PIGO: variants seen among roughly 807,000 people sequenced by gnomAD.
PIGO encodes phosphatidylinositol glycan anchor biosynthesis class O.
PIGO carries 66 observed loss-of-function variants against 86.9 expected under a neutral mutation model. The observed-to-expected ratio is 0.76, with a 90% CI of 0.62 to 0.93. PIGO has a LOEUF of 0.93. PIGO is among the 40% of genes least tolerant of loss of function. PIGO has a pLI of 0.00. For synonymous variants in PIGO, 570 were observed against 556.4 expected (o/e 1.02, Z -0.34); for missense variants, 1,202 against 1,359.1 (o/e 0.88, Z 1.82).
intron 1 of PIGO, 134 bp from the exon 2 acceptor site, chr9:35,095,700 C>A (rs1829641222): frequency 8.6e-7 from 1 of 1,157,908 alleles, no homozygotes; most frequent in African/African-American, 1.6e-5. Context: ...TCACAGCCAA[C>A]CCCTCGCAAT....
Position 35,091,882 on chromosome 9 carries a change from A to G in PIGO, c.2005T>C (p.Trp669Arg), listed in dbSNP as rs1474138703. The G allele has an allele frequency of 6.2e-7, 1 of 1,614,148 alleles. No homozygotes were observed. Among genetic ancestry groups the G allele is most frequent in the Admixed American group, 1.7e-5 (1 of 60,026 alleles). Residue 669 changes from tryptophan to arginine, a missense_variant, in exon 7 of 11, where the codon TGG becomes CGG. Coordinates refer to ENST00000378617, the MANE Select transcript of PIGO (RefSeq NM_032634.4). ...AGCGCCGCCACACAAGCTCCATACC[A>G]CAAATTCTTGGCTCGACCACCCACC... ...SMVGGRAKNL[W>R]YGACVAALVA...
rs1314186846 is a variant in PIGO at position 35,090,462 on chromosome 9, G to C, written c.2854+4C>G. 10 of 1,606,838 alleles carry C rather than the reference G, an allele frequency of 6.2e-6. No individual in the cohort carries two copies. Among genetic ancestry groups the C allele is most frequent in the Non-Finnish European group, 7.7e-6 (9 of 1,174,660 alleles). ...ATGGAAGCAAGTGAAGGAGGAGGGG[G>C]TACCTGCAAAGAGGAGGTGGGAGGC... On this transcript the variant is annotated splice_donor_region_variant and intron_variant, in intron 8 of 10. Transcript: ENST00000378617.
At position 35,092,257 on chromosome 9, in the gene PIGO, G is replaced by A; in HGVS notation, c.1630C>T (p.Pro544Ser). 1 of 1,614,208 alleles carries A rather than the reference G, an allele frequency of 6.2e-7. No homozygotes were observed. Among genetic ancestry groups the A allele is most frequent in the Non-Finnish European group, 8.5e-7 (1 of 1,180,044 alleles). The change falls in exon 7 of 11, where the codon CCC becomes TCC. Residue 544 changes from proline (P) to serine (S), a missense_variant. Coordinates refer to ENST00000378617, the MANE Select transcript of PIGO (RefSeq NM_032634.4). ...AGTAACAGGACGGGCCCAGGGATGG[G>A]AAACAGGGTTGCCAGGGGCCTCTTG... ...GSKRPLATLF[P>S]IPGPVLLLLL... is the part of the protein sequence containing the mutation.
chr9:35,088,988 A>C lies in PIGO; in HGVS notation c.*104T>G. The C allele has an allele frequency of 6.7e-7, 1 of 1,489,522 alleles. No homozygotes were observed. Among genetic ancestry groups the C allele is most frequent in the South Asian group, 1.3e-5 (1 of 79,930 alleles). The allele number at this position is 1,489,522 out of a possible 1,614,324, so 92.3% of individuals were successfully genotyped here. ...CGGCCCCTGGCTGCATGATAGTAAGAGTATGGCTGAGCCTGTCTTGCAGAT... is the reference window on the plus strand; with the variant it reads ...CGGCCCCTGGCTGCATGATAGTAAGCGTATGGCTGAGCCTGTCTTGCAGAT... On this transcript the variant is annotated 3_prime_UTR_variant, in exon 11 of 11. Transcript: ENST00000378617.
Position 35,091,381 on chromosome 9 carries a change from T to C in PIGO, c.2506A>G (p.Met836Val), listed in dbSNP as rs752108320. 2.8e-5 allele frequency: 45 copies of C among 1,614,160 alleles called. No individual in the cohort carries two copies. Among genetic ancestry groups the C allele is most frequent in the Admixed American group, 3.3e-5 (2 of 60,018 alleles). ...YQLGSVYSAA[M>V]VTALTLLAFP... ...GCCAACAGGGTGAGGGCTGTGACCATAGCAGCTGAGTAGACACTCCCCAAC... is the reference window on the plus strand; with the variant it reads ...GCCAACAGGGTGAGGGCTGTGACCACAGCAGCTGAGTAGACACTCCCCAAC... Residue 836 changes from methionine (M) to valine (V), a missense_variant, in exon 7 of 11, where the codon ATG becomes GTG. Physicochemically the swap from Met to Val is conservative, Grantham distance 21. Coordinates refer to ENST00000378617, the MANE Select transcript of PIGO (RefSeq NM_032634.4).
intron 9 of PIGO, 95 bp from the exon 10 acceptor site, chr9:35,089,545 C>G (rs1180806005): frequency 1.3e-6 from 2 of 1,580,568 alleles, no homozygotes; most frequent in East Asian, 4.5e-5. Flanking sequence ...AAAATGGAAG[C>G]AGGAGAATAG....
chr9:35,094,254 G>A lies in PIGO; in HGVS notation c.617C>T (p.Thr206Ile), dbSNP rs750723712. Residue 206 changes from threonine to isoleucine, a missense_variant, in exon 3 of 11, where the codon ACA becomes ATA. Transcript: ENST00000378617. ...GTGTTCCAGGATGCCATTGTCCACT[G>A]TGTCTAGGTCTCTGACATTGAAGGA... is the stretch of plus-strand genomic sequence containing the variant. ...FPSFNVRDLD[T>I]VDNGILEHLY... The A allele has an allele frequency of 5.0e-6, 8 of 1,604,382 alleles. No individual in the cohort carries two copies. The African/African-American group carries it at 9.4e-5, about 19-fold the overall frequency.
intron 7 of PIGO, 150 bp downstream of exon 7, chr9:35,091,086 AAGAG>A: frequency 3.6e-6 from 3 of 840,338 alleles, no homozygotes; most frequent in Non-Finnish European, 1.8e-6. Flanking sequence ...TATGGCAGGT[AAGAG>A]AGAGGACACC....
chr9:35,092,050 G>A lies in PIGO; in HGVS notation c.1837C>T (p.Pro613Ser), dbSNP rs1317472404. The A allele has an allele frequency of 6.2e-7, 1 of 1,614,108 alleles. No homozygotes were observed. The highest frequency in any genetic ancestry group is 8.5e-7 in the Non-Finnish European group (1 of 1,180,058). The change falls in exon 7 of 11, where the codon CCC becomes TCC. Residue 613 changes from proline (P) to serine (S), a missense_variant. Coordinates refer to ENST00000378617, the MANE Select transcript of PIGO (RefSeq NM_032634.4). Reference protein sequence around the residue: ...PRLGTSATTNPPRHNGAYALR... With the variant: ...PRLGTSATTNSPRHNGAYALR... ...GCATATGCACCATTGTGCCGTGGGGGGTTTGTTGTGGCTGAAGTGCCAAGG... is the reference window on the plus strand; with the variant it reads ...GCATATGCACCATTGTGCCGTGGGGAGTTTGTTGTGGCTGAAGTGCCAAGG...
rs937595770 is a variant in PIGO at position 35,095,366 on chromosome 9, A to T, written c.200T>A (p.Phe67Tyr). 1 of 1,614,134 alleles carries T rather than the reference A, an allele frequency of 6.2e-7. No individual in the cohort carries two copies. The highest frequency in any genetic ancestry group is 1.3e-5 in the African/African-American group (1 of 75,032). Residue 67 changes from phenylalanine (F) to tyrosine (Y), a missense_variant, in exon 2 of 11, where the codon TTT (phenylalanine) becomes TAT (tyrosine). Coordinates refer to ENST00000378617, the MANE Select transcript of PIGO (RefSeq NM_032634.4). ...KPGACWMASR[F>Y]SRVVLVLIDA... ...TATCAGCACCAACACAACCCGCGAAAATCGGGAAGCCATCCAGCAGGCCCC... is the reference window on the plus strand; with the variant it reads ...TATCAGCACCAACACAACCCGCGAATATCGGGAAGCCATCCAGCAGGCCCC...
intron 10 of PIGO, 69 bp from the exon 11 acceptor site, chr9:35,089,290 C>A (rs933638355): frequency 2.4e-5 from 39 of 1,613,192 alleles, no homozygotes; most frequent in Non-Finnish European, 3.1e-5. Context: ...AGAGGCAAAA[C>A]CTTGGCCATC....
rs1829511753 is a variant in PIGO, at chr9:35,093,138, A to G, written c.1011T>C (p.Phe337=). Residue 337 remains phenylalanine (F), a synonymous_variant, in exon 6 of 11, where the codon TTT becomes TTC. Coordinates refer to ENST00000378617, the MANE Select transcript of PIGO (RefSeq NM_032634.4). ...CAGCCATCACTTCCCCGATATTCCC[A>G]AATGGGATGGGCAGGCCCAGCAGCA... ...LALLLGLPIP[F]GNIGEVMAEL... 1 of 1,614,228 alleles carries G rather than the reference A, an allele frequency of 6.2e-7. No homozygotes were observed. Among genetic ancestry groups the G allele is most frequent in the South Asian group, 1.1e-5 (1 of 91,088 alleles).
Position 35,094,353 on chromosome 9 carries a change from C to CGTA in PIGO, c.517_518insTAC (p.Arg172_Arg173insLeu). ...GGTATCATCTCCCATGAAGACTACACGCCTTCCTGCAGGGACATGAAAGAG... is the reference window on the plus strand; with the variant it reads ...GGTATCATCTCCCATGAAGACTACACGTAGCCTTCCTGCAGGGACATGAAAGAG... On this transcript the variant is annotated inframe_insertion, in exon 3 of 11. Transcript: ENST00000378617. 1 of 1,601,430 alleles carries CGTA rather than the reference C, an allele frequency of 6.2e-7. No homozygotes were observed. The highest frequency in any genetic ancestry group is 1.1e-5 in the South Asian group (1 of 89,128).
intron 1 of PIGO, 71 bp from the exon 2 acceptor site, chr9:35,095,637 C>G (rs1460775332): frequency 7.1e-7 from 1 of 1,415,260 alleles, no homozygotes; most frequent in African/African-American, 1.4e-5. Flanking sequence ...TCCCTGAATA[C>G]AAGCCCAGCT....
In PIGO at chr9:35,091,253, G is replaced by A. The variant is rs534875041; in HGVS notation, c.2634C>T (p.Pro878=). ...LLLHLLAAGI[P]VTTPGPFTVP... ...TGAGATATTTACCAGGGGTGGTGAC[G>A]GGTATCCCAGCAGCAAGCAGATGTA... Residue 878 remains proline, a synonymous_variant, in exon 7 of 11, where the codon CCC becomes CCT. Coordinates refer to ENST00000378617, the MANE Select transcript of PIGO (RefSeq NM_032634.4). 62 of 1,596,122 alleles carry A rather than the reference G, an allele frequency of 3.9e-5. No homozygotes were observed. In the South Asian group the frequency reaches 4.3e-4, roughly 11 times the overall value.
At chr9:35,089,915 G>A in intron 9 of PIGO, 151 bp downstream of exon 9, 2 of 1,437,814 alleles carry the variant, frequency 1.4e-6, no homozygotes, top group Non-Finnish European at 1.8e-6. Context: ...TCAAGTCTCA[G>A]AACTGCCATT....
Position 35,091,892 on chromosome 9 carries a change from G to A in PIGO, c.1995C>T (p.Ala665=). ...SPLASMVGGR[A]KNLWYGACVA... ...CACAAGCTCCATACCACAAATTCTT[G>A]GCTCGACCACCCACCATGGATGCCA... The change falls in exon 7 of 11, where the codon GCC becomes GCT. Residue 665 remains alanine (A), a synonymous_variant. Coordinates refer to ENST00000378617, the MANE Select transcript of PIGO (RefSeq NM_032634.4). 2 of 1,614,166 alleles carry A rather than the reference G, an allele frequency of 1.2e-6. No individual in the cohort carries two copies. The highest frequency in any genetic ancestry group is 1.3e-5 in the African/African-American group (1 of 75,040).
chr9:35,089,194 A>G lies in PIGO; in HGVS notation c.3168T>C (p.Ile1056=). The G allele has an allele frequency of 6.2e-7, 1 of 1,614,208 alleles. No individual in the cohort carries two copies. The highest frequency in any genetic ancestry group is 8.5e-7 in the Non-Finnish European group (1 of 1,180,046). ...CCAGGAGAAGTCCCACGCTGCTCAC[A>G]ATGAAGCCCACAGCCTCAAATATGA... The part of the protein sequence containing the change: ...PKFIFEAVGF[I]VSSVGLLLGI... Residue 1056 remains isoleucine, a synonymous_variant, in exon 11 of 11, where the codon ATT becomes ATC. Transcript: ENST00000378617.
Position 35,091,927 on chromosome 9 carries a change from G to C in PIGO, c.1960C>G (p.Leu654Val), listed in dbSNP as rs766400679. ...CCCACCATGGATGCCAGAGGACTCA[G>C]CCAGGGAGAGGAGTGGCAAACAGGT... ...ETPVCHSSPW[L>V]SPLASMVGGR... Residue 654 changes from leucine to valine, a missense_variant, in exon 7 of 11, where the codon CTG (leucine) becomes GTG (valine). Transcript: ENST00000378617. 7 of 1,614,240 alleles carry C rather than the reference G, an allele frequency of 4.3e-6. No individual in the cohort carries two copies. Among genetic ancestry groups the C allele is most frequent in the Non-Finnish European group, 5.9e-6 (7 of 1,180,042 alleles).
Sources: gnomAD v4.1 joint callset for allele counts on GRCh38, gnomAD v4.1.1 for gene constraint, MANE v1.5 for transcripts, NCBI Gene and HGNC (gene_info 2026-07-23, HGNC 2026-07-21) for gene names.